SEZ6L: variants seen among roughly 807,000 people sequenced by gnomAD.
SEZ6L encodes seizure 6-like protein.
Under a neutral mutation model 106.2 loss-of-function variants are expected in SEZ6L, and 37 were observed. The ratio of observed to expected loss-of-function variants is 0.35; its 90% CI spans 0.27 to 0.46. The LOEUF (loss-of-function observed/expected upper bound fraction) is 0.46, where lower values mean the gene tolerates loss of function less well. Among genes scored for constraint, SEZ6L ranks in the 20% least tolerant of loss-of-function variants. The probability of loss-of-function intolerance (pLI) is 1.00; values close to 1 mark genes in which losing one functional copy is unlikely to be tolerated. For missense variants in SEZ6L, 1,172 were observed against 1,332.8 expected, an observed-to-expected ratio of 0.88 and a Z score of 1.88; for synonymous variants, 541 against 570.4, an observed-to-expected ratio of 0.95 and a Z score of 0.73.
intron 12 of SEZ6L, among the ~76,000 whole-genome samples, chr22:26,357,356 A>G (rs867324350): frequency 8.5e-5 from 13 of 152,176 alleles, no homozygotes; most frequent in Middle Eastern, 3.2e-3. Flanking sequence ...GAAAAACAGT[A>G]AGGTATAAAC....
At chr22:26,219,085 C>A (rs550176540) in intron 1 of SEZ6L, among the ~76,000 whole-genome samples, 1 of 152,176 alleles carries the variant, frequency 6.6e-6, no homozygotes, top group East Asian at 1.9e-4. Context: ...GTTCTGGATT[C>A]GAGTGCTGGT....
intron 1 of SEZ6L, among the ~76,000 whole-genome samples, chr22:26,221,864 G>A (rs2078483805): frequency 6.6e-6 from 1 of 152,118 alleles, no homozygotes; most frequent in East Asian, 1.9e-4. Context: ...AAGATTTATT[G>A]TAGGTGAGAA....
rs80276063 is a variant in SEZ6L at position 26,253,154 on chromosome 22, G to T, written c.95-39252G>T. 6.6e-5 allele frequency among the ~76,000 whole-genome samples: 10 copies of T among 152,222 alleles called. No individual in the cohort carries two copies. The East Asian group carries it at 1.9e-3, about 29-fold the overall frequency. ...TAAATTTGAAATCCAAAATGATGTGGCTGGCCCAGAATCACAGTGTAAGCA... is the reference window on the plus strand; with the variant it reads ...TAAATTTGAAATCCAAAATGATGTGTCTGGCCCAGAATCACAGTGTAAGCA... On this transcript the variant is annotated intron_variant, in intron 1 of 16. Coordinates refer to ENST00000248933, the MANE Select transcript of SEZ6L (RefSeq NM_021115.5).
intron 12 of SEZ6L, among the ~76,000 whole-genome samples, chr22:26,355,398 C>T (rs968242781): frequency 1.3e-5 from 2 of 152,188 alleles, no homozygotes; most frequent in Non-Finnish European, 2.9e-5. Context: ...GACAAAGATC[C>T]ACCAAGAAGT....
intron 1 of SEZ6L, among the ~76,000 whole-genome samples, chr22:26,289,822 G>C (rs1439791383): frequency 6.6e-6 from 1 of 152,236 alleles, no homozygotes; most frequent in East Asian, 1.9e-4. Context: ...CTGTAGCTGA[G>C]TGAGTGTCTC....
chr22:26,305,847 G>T, intron 5 of SEZ6L, 132 bp from the exon 6 acceptor site: 1 of 965,372 alleles, frequency 1.0e-6, no homozygotes, highest in Non-Finnish European at 1.5e-6. Flanking sequence ...CTGGGCAAGG[G>T]GCAGGGGTGG....
At chr22:26,355,177 C>G (rs2083402372) in intron 12 of SEZ6L, among the ~76,000 whole-genome samples, 1 of 152,274 alleles carries the variant, frequency 6.6e-6, no homozygotes, top group African/African-American at 2.4e-5. Context: ...AACACTAACA[C>G]TCTTCACCCT....
chr22:26,292,251 AAAGG>A (rs974132186), intron 1 of SEZ6L, 151 bp from the exon 2 acceptor site: 3 of 589,258 alleles, frequency 5.1e-6, no homozygotes, highest in Non-Finnish European at 9.0e-6. Flanking sequence ...GAGAAAAAAG[AAAGG>A]AAGGGAGGGA....
intron 1 of SEZ6L, among the ~76,000 whole-genome samples, chr22:26,177,658 T>C (rs1939110215): frequency 6.6e-6 from 1 of 152,154 alleles, no homozygotes; most frequent in Admixed American, 6.5e-5. Flanking sequence ...TGTTGCTTCT[T>C]ATTAGATGTG....
chr22:26,274,920 G>T (rs1302392843), intron 1 of SEZ6L, among the ~76,000 whole-genome samples: 1 of 152,214 alleles, frequency 6.6e-6, no homozygotes, highest in Non-Finnish European at 1.5e-5. Context: ...CTCTCCAGAG[G>T]TCAAGCTAAT....
At chr22:26,308,926 C>T (rs928496168) in intron 6 of SEZ6L, among the ~76,000 whole-genome samples, 2 of 152,128 alleles carry the variant, frequency 1.3e-5, no homozygotes, top group Admixed American at 6.5e-5. Flanking sequence ...ATAACAGAGT[C>T]ATCAGGAATC....
intron 1 of SEZ6L, among the ~76,000 whole-genome samples, chr22:26,206,534 G>A (rs1223908880): frequency 2.0e-5 from 3 of 152,122 alleles, no homozygotes; most frequent in East Asian, 3.9e-4. Context: ...CTTGTCCAAG[G>A]TTACACAGCT....
intron 13 of SEZ6L, among the ~76,000 whole-genome samples, chr22:26,369,164 G>C (rs529107447): frequency 6.6e-6 from 1 of 151,666 alleles, no homozygotes; most frequent in East Asian, 1.9e-4. Context: ...CCCTTTCCAC[G>C]GAGATTCTGA....
At chr22:26,260,229 C>T (rs1358212706) in intron 1 of SEZ6L, among the ~76,000 whole-genome samples, 3 of 152,046 alleles carry the variant, frequency 2.0e-5, no homozygotes, top group Admixed American at 6.6e-5. Flanking sequence ...GATTTTGGTG[C>T]ACCCATCACC....
chr22:26,214,378 A>G (rs1279816565), intron 1 of SEZ6L, among the ~76,000 whole-genome samples: 1 of 152,180 alleles, frequency 6.6e-6, no homozygotes, highest in Non-Finnish European at 1.5e-5. Flanking sequence ...GGCACACGGA[A>G]AAGAACCAAT....
At chr22:26,367,389 G>A (rs1272772207) in intron 13 of SEZ6L, among the ~76,000 whole-genome samples, 2 of 152,108 alleles carry the variant, frequency 1.3e-5, no homozygotes, top group Non-Finnish European at 2.9e-5. Flanking sequence ...TGTTGCACAG[G>A]CTGGAATGCA....
At chr22:26,358,204 T>C (rs1050968611) in intron 12 of SEZ6L, among the ~76,000 whole-genome samples, 1 of 152,206 alleles carries the variant, frequency 6.6e-6, no homozygotes, top group Non-Finnish European at 1.5e-5. Flanking sequence ...AAATCCATGA[T>C]AACCCTAGGG....
chr22:26,344,007 T>C (rs183162023), intron 10 of SEZ6L, among the ~76,000 whole-genome samples: 1 of 152,362 alleles, frequency 6.6e-6, no homozygotes, highest in East Asian at 1.9e-4. Context: ...GTATTTGTTA[T>C]TCTGGCTCTA....
chr22:26,222,703 G>C (rs567768664), intron 1 of SEZ6L, among the ~76,000 whole-genome samples: 1 of 152,322 alleles, frequency 6.6e-6, no homozygotes, highest in East Asian at 1.9e-4. Context: ...CATGTGAAAT[G>C]ATTTGAAAAT....
Sources: allele counts gnomAD v4.1 joint callset (sites outside exome capture counted in the v4.1 genomes callset), GRCh38; gene constraint gnomAD v4.1.1; transcripts MANE v1.5; gene names NCBI Gene and HGNC (gene_info 2026-07-23, HGNC 2026-07-21).